MSANTD2: variants seen among roughly 807,000 people sequenced by gnomAD.
MSANTD2 encodes Myb/SANT DNA binding domain containing 2.
Under a neutral mutation model 52.6 loss-of-function variants are expected in MSANTD2, and 19 were observed. The ratio of observed to expected loss-of-function variants is 0.36; its 90% CI spans 0.25 to 0.53. The LOEUF is 0.53. Ranked by LOEUF, MSANTD2 falls within the 20% of genes least tolerant of loss-of-function variation. The probability of loss-of-function intolerance (pLI) is 0.91; values close to 1 mark genes in which losing one functional copy is unlikely to be tolerated. For synonymous variants in MSANTD2, 291 were observed against 289.7 expected (o/e 1.00, Z -0.04); for missense variants, 558 against 716.3 (o/e 0.78, Z 2.52).
intron 3 of MSANTD2, 110 bp downstream of exon 3, chr11:124,772,884 C>T (rs1944589616): frequency 1.4e-6 from 1 of 719,978 alleles, no homozygotes; most frequent in Admixed American, 2.4e-5. Context: ...GACATGCCTC[C>T]TTGGTGAATG....
intron 1 of MSANTD2, chr11:124,791,631 C>T (rs1284463014): frequency 2.0e-6 from 3 of 1,478,804 alleles, no homozygotes; most frequent in Middle Eastern, 2.4e-4. Flanking sequence ...CAGCTTCCAT[C>T]CTTCCAGACT....
chr11:124,797,988 G>T (rs1363923321), intron 1 of MSANTD2, among the ~76,000 whole-genome samples: 1 of 152,084 alleles, frequency 6.6e-6, no homozygotes, highest in African/African-American at 2.4e-5. Context: ...GCGTGATTGG[G>T]AAGTTTCTAC....
Position 124,800,166 on chromosome 11 carries a change from C to G in MSANTD2, c.215G>C (p.Gly72Ala), listed in dbSNP as rs754288807. 1.4e-6 allele frequency: 2 copies of G among 1,461,442 alleles called. No homozygotes were observed. Among genetic ancestry groups the G allele is most frequent in the Non-Finnish European group, 1.8e-6 (2 of 1,114,552 alleles). 90.5% of individuals were successfully genotyped at this position (1,461,442 alleles called of 1,614,324 possible). ...GACCGAGGACGAGGCGGCGCTGCGG[C>G]CCCCCAGCCCCAGCCCGAGACCCCC... ...ASGGLGLGLG[G>A]RSAASSSVSF... is the part of the protein sequence containing the mutation. The change falls in exon 1 of 4, where the codon GGC becomes GCC. Residue 72 changes from glycine to alanine, a missense_variant. Gly to Ala is a moderately conservative substitution (Grantham distance 60). Coordinates refer to ENST00000374979, the MANE Select transcript of MSANTD2 (RefSeq NM_001308027.2). This position sits in a 1 kb window ranked among gnomAD's most constrained non-coding sequence, Gnocchi z 4.3.
At chr11:124,781,494 A>G (rs1263933559) in intron 1 of MSANTD2, among the ~76,000 whole-genome samples, 4 of 152,174 alleles carry the variant, frequency 2.6e-5, no homozygotes, top group Non-Finnish European at 5.9e-5. Context: ...AGTAGTCTCT[A>G]TGGCTAAGCT....
At chr11:124,787,731 C>T (rs1250644455) in intron 1 of MSANTD2, among the ~76,000 whole-genome samples, 1 of 152,106 alleles carries the variant, frequency 6.6e-6, no homozygotes, top group Non-Finnish European at 1.5e-5. Flanking sequence ...TTTGCTCATA[C>T]ATTATTCGAG....
At chr11:124,780,965 C>T (rs1944941588) in intron 1 of MSANTD2, among the ~76,000 whole-genome samples, 1 of 152,096 alleles carries the variant, frequency 6.6e-6, no homozygotes, top group South Asian at 2.1e-4. Flanking sequence ...GGCGGATCAC[C>T]TGAGGTCAGG....
intron 1 of MSANTD2, among the ~76,000 whole-genome samples, chr11:124,786,895 G>A (rs1337184317): frequency 6.6e-6 from 1 of 152,148 alleles, no homozygotes; most frequent in African/African-American, 2.4e-5. Flanking sequence ...GGCTGATTCA[G>A]AAAAAGGTGA....
chr11:124,789,206 A>G (rs1305347511), intron 1 of MSANTD2: 1 of 152,232 alleles, frequency 6.6e-6, no homozygotes, highest in Non-Finnish European at 1.5e-5. Context: ...CTTTAGAGAA[A>G]AGTATTTGCA....
chr11:124,791,201 G>C (rs1945321766), intron 1 of MSANTD2: 3 of 1,210,282 alleles, frequency 2.5e-6, no homozygotes, highest in South Asian at 2.5e-5. Context: ...GTGCATGTGA[G>C]GGACATTTGG....
intron 1 of MSANTD2, among the ~76,000 whole-genome samples, chr11:124,787,506 G>T (rs1354983431): frequency 6.6e-6 from 1 of 152,106 alleles, no homozygotes; most frequent in African/African-American, 2.4e-5. Flanking sequence ...TCAGCCTCCC[G>T]AGTAGCTGGG....
chr11:124,796,361 T>C (rs1490246579), intron 1 of MSANTD2, among the ~76,000 whole-genome samples: 5 of 152,178 alleles, frequency 3.3e-5, no homozygotes, highest in East Asian at 3.8e-4. Flanking sequence ...AAGGTTTGCA[T>C]GGAAAAATTA....
intron 1 of MSANTD2, among the ~76,000 whole-genome samples, chr11:124,788,285 T>C (rs1945225465): frequency 6.6e-6 from 1 of 151,958 alleles, no homozygotes; most frequent in South Asian, 2.1e-4. Flanking sequence ...TGAATAGAAA[T>C]AAGAAATATG....
At chr11:124,786,169 C>T (rs1398383003) in intron 1 of MSANTD2, among the ~76,000 whole-genome samples, 2 of 143,578 alleles carry the variant, frequency 1.4e-5, no homozygotes, top group Non-Finnish European at 3.0e-5. Flanking sequence ...TTCATAGGGG[C>T]AAGCATTATG....
chr11:124,796,516 G>A (rs1406581330), intron 1 of MSANTD2, among the ~76,000 whole-genome samples: 2 of 152,036 alleles, frequency 1.3e-5, no homozygotes, highest in Non-Finnish European at 2.9e-5. Flanking sequence ...CTATGATCAT[G>A]GCACACTGCA....
chr11:124,785,350 AAG>A (rs1467435167), intron 1 of MSANTD2, among the ~76,000 whole-genome samples: 1 of 152,232 alleles, frequency 6.6e-6, no homozygotes, highest in Non-Finnish European at 1.5e-5. Flanking sequence ...TGTCCCTGGA[AAG>A]AGAGTCGGAG....
chr11:124,784,148 C>A, intron 1 of MSANTD2: 2 of 984,954 alleles, frequency 2.0e-6, no homozygotes, highest in African/African-American at 1.7e-5. Context: ...TTCCTCCTCA[C>A]CTGAAAGGGA....
intron 1 of MSANTD2, chr11:124,778,935 A>G (rs1371720829): frequency 6.6e-6 from 1 of 152,230 alleles, no homozygotes; most frequent in African/African-American, 2.4e-5. Flanking sequence ...TAACGGCAGC[A>G]ATGTAGAGAA....
At chr11:124,799,568 G>A (rs1216276724) in intron 1 of MSANTD2, among the ~76,000 whole-genome samples, 2 of 152,176 alleles carry the variant, frequency 1.3e-5, no homozygotes, top group East Asian at 1.9e-4. Context: ...CCAGCGGCAC[G>A]GGGACTGCCG....
In MSANTD2 at chr11:124,800,207, C is replaced by T. The variant is rs746636035; in HGVS notation, c.174G>A (p.Ser58=). Residue 58 remains serine, a synonymous_variant, in exon 1 of 4, where the codon TCG becomes TCA. Coordinates refer to ENST00000374979, the MANE Select transcript of MSANTD2 (RefSeq NM_001308027.2). This position sits in a 1 kb window ranked among gnomAD's most constrained non-coding sequence, Gnocchi z 4.3. Reference sequence around the variant, plus strand: ...CGAGACCCCCGGACGCCGCTGCCCCCGAGCCCGCCGCACTGCCCGGCCCGA... The same window carrying T: ...CGAGACCCCCGGACGCCGCTGCCCCTGAGCCCGCCGCACTGCCCGGCCCGA... ...SPLGPGSAAG[S]GAAASGGLGL... is the part of the protein sequence containing the mutation. The T allele has an allele frequency of 9.5e-6, 14 of 1,480,818 alleles. No individual in the cohort carries two copies. The highest frequency in any genetic ancestry group is 8.9e-5 in the East Asian group (3 of 33,532). 91.7% of individuals were successfully genotyped at this position (1,480,818 alleles called of 1,614,324 possible). A position where few individuals can be genotyped will look rare whatever the true frequency, so the allele number is the denominator to read the frequency against.
Sources: gnomAD v4.1 joint callset for allele counts (sites outside exome capture counted in the v4.1 genomes callset) on GRCh38, gnomAD v4.1.1 for gene constraint, Gnocchi (gnomAD v3.1) non-coding constraint, MANE v1.5 for transcripts, NCBI Gene and HGNC (gene_info 2026-07-23, HGNC 2026-07-21) for gene names.